Variants in ADORA1 observed in about 807,000 individuals in gnomAD.
ADORA1 encodes adenosine receptor A1.
ADORA1 carries 6 observed loss-of-function variants against 19.9 expected under a neutral mutation model. That is an observed-to-expected ratio of 0.30 (90% CI 0.17 to 0.59). The LOEUF (loss-of-function observed/expected upper bound fraction) is 0.59, where lower values mean the gene tolerates loss of function less well. ADORA1 is among the 20% of genes least tolerant of loss of function. The pLI, the probability that ADORA1 is intolerant of heterozygous loss-of-function variation, is 0.87. For synonymous variants in ADORA1, 194 were observed against 188.4 expected (o/e 1.03, Z -0.24); for missense variants, 302 against 439.2 (o/e 0.69, Z 2.79).
At chr1:203,130,948 A>G (rs1235968137) in intron 3 of ADORA1, among the ~76,000 whole-genome samples, 1 of 152,214 alleles carries the variant, frequency 6.6e-6, no homozygotes, top group Non-Finnish European at 1.5e-5. Flanking sequence ...CCTGAGTTCA[A>G]ATCCTTGCTG....
intron 3 of ADORA1, among the ~76,000 whole-genome samples, chr1:203,155,016 T>TTTCTTATTA (rs372591619): frequency 7.0e-6 from 1 of 142,360 alleles, no homozygotes; most frequent in African/African-American, 2.6e-5. Flanking sequence ...GCTCTTCCTA[T>TTTCTTATTA]TTATTATTAT....
chr1:203,143,031 AC>A (rs1438256945), intron 3 of ADORA1, among the ~76,000 whole-genome samples: 1 of 152,202 alleles, frequency 6.6e-6, no homozygotes, highest in Non-Finnish European at 1.5e-5. Context: ...GATGCAAACA[AC>A]ATTCAGAGTG....
At chr1:203,146,992 A>G (rs1306823866) in intron 3 of ADORA1, among the ~76,000 whole-genome samples, 1 of 152,222 alleles carries the variant, frequency 6.6e-6, no homozygotes, top group Non-Finnish European at 1.5e-5. Flanking sequence ...CTCTGCCACC[A>G]TTCCATAGGT....
chr1:203,149,455 G>T (rs1022493480), intron 3 of ADORA1, among the ~76,000 whole-genome samples: 2 of 152,158 alleles, frequency 1.3e-5, no homozygotes, highest in Non-Finnish European at 2.9e-5. Flanking sequence ...TGTTTTACCC[G>T]TGCAAATGAC....
At chr1:203,154,529 G>A (rs911197212) in intron 3 of ADORA1, among the ~76,000 whole-genome samples, 4 of 152,166 alleles carry the variant, frequency 2.6e-5, no homozygotes, top group African/African-American at 9.7e-5. Context: ...GGTGATCCCG[G>A]AGCCCAGGGG....
intron 3 of ADORA1, chr1:203,129,844 T>A (rs958999847): frequency 1.3e-5 from 2 of 152,462 alleles, no homozygotes; most frequent in Non-Finnish European, 2.9e-5. Context: ...CATATTGCTG[T>A]TCTGTTGCAA....
rs1654206786 is a variant in ADORA1 at position 203,128,088 on chromosome 1, G to A, written c.-213+160G>A. 9.7e-6 allele frequency: 3 copies of A among 309,130 alleles called. No individual in the cohort carries two copies. Among genetic ancestry groups the A allele is most frequent in the South Asian group, 2.5e-5 (1 of 39,870 alleles). 19.1% of individuals were successfully genotyped at this position (309,130 alleles called of 1,614,324 possible). On this transcript the variant is annotated intron_variant, in intron 1 of 3. Coordinates refer to ENST00000337894, the MANE Select transcript of ADORA1 (RefSeq NM_000674.3). This position sits in a 1 kb window ranked among gnomAD's most constrained non-coding sequence, Gnocchi z 5.9. ...GACTGCTAAGATCCAGGCACCAGAC[G>A]GGTCTCAAGTGGGTGGGCGCAGGGC...
chr1:203,157,681 G>A lies in ADORA1; in HGVS notation c.342-7580G>A, dbSNP rs553076075. On this transcript the variant is annotated intron_variant, in intron 3 of 3. Transcript: ENST00000337894. ...TTGAAATCTAATTGGAGGCTGGCATGACCCCATGGCTTCCACACTCTGTGC... is the reference window on the plus strand; with the variant it reads ...TTGAAATCTAATTGGAGGCTGGCATAACCCCATGGCTTCCACACTCTGTGC... Among the ~76,000 whole-genome samples, 32 of 152,336 alleles carry A rather than the reference G, an allele frequency of 2.1e-4. 1 individual carries two copies. The highest frequency in any genetic ancestry group is 7.2e-4 in the African/African-American group (30 of 41,582).
In ADORA1 at chr1:203,165,939, G is replaced by A; in HGVS notation, c.*39G>A. 1 of 1,519,478 alleles carries A rather than the reference G, an allele frequency of 6.6e-7. No individual in the cohort carries two copies. Among genetic ancestry groups the A allele is most frequent in the East Asian group, 2.3e-5 (1 of 43,966 alleles). 94.1% of individuals were successfully genotyped at this position (1,519,478 alleles called of 1,614,324 possible). ...CTCCCACCAGCCCACATCCAGTGGG[G>A]TCTCAGTCCAGTCCTCACATGCCCG... is the stretch of plus-strand genomic sequence containing the variant. On this transcript the variant is annotated 3_prime_UTR_variant, in exon 4 of 4. Coordinates refer to ENST00000337894, the MANE Select transcript of ADORA1 (RefSeq NM_000674.3). The surrounding 1 kb of genome is among the most constrained non-coding windows in gnomAD (Gnocchi z 5.9).
intron 3 of ADORA1, among the ~76,000 whole-genome samples, chr1:203,132,669 C>T (rs575829143): frequency 6.6e-6 from 1 of 152,222 alleles, no homozygotes; most frequent in Admixed American, 6.5e-5. Context: ...ATGGTGAAAC[C>T]CCATCACTAC....
At chr1:203,136,783 C>G (rs1654524865) in intron 3 of ADORA1, among the ~76,000 whole-genome samples, 1 of 152,194 alleles carries the variant, frequency 6.6e-6, no homozygotes, top group South Asian at 2.1e-4. Context: ...CCTCTTGCTT[C>G]CCCTTTGAGA....
At chr1:203,151,180 C>T (rs1655020606) in intron 3 of ADORA1, among the ~76,000 whole-genome samples, 1 of 152,170 alleles carries the variant, frequency 6.6e-6, no homozygotes, top group South Asian at 2.1e-4. Flanking sequence ...GGAGGAAAGG[C>T]GTGGGCTCAC....
Position 203,165,566 on chromosome 1 carries a change from C to T in ADORA1, c.647C>T (p.Ser216Leu), listed in dbSNP as rs539069853. Residue 216 changes from serine (S) to leucine (L), a missense_variant, in exon 4 of 4, where the codon TCG becomes TTG. Transcript: ENST00000337894. The surrounding 1 kb of genome is among the most constrained non-coding windows in gnomAD (Gnocchi z 5.9). ...LIRKQLNKKV[S>L]ASSGDPQKYY... ...CGCAAGCAGCTCAACAAGAAGGTGTCGGCCTCCTCCGGCGACCCGCAGAAG... is the reference window on the plus strand; with the variant it reads ...CGCAAGCAGCTCAACAAGAAGGTGTTGGCCTCCTCCGGCGACCCGCAGAAG... 8.7e-6 allele frequency: 14 copies of T among 1,613,940 alleles called. No homozygotes were observed. The highest frequency in any genetic ancestry group is 2.7e-5 in the African/African-American group (2 of 75,040).
chr1:203,133,560 C>A (rs147081556), intron 3 of ADORA1, among the ~76,000 whole-genome samples: 4 of 152,240 alleles, frequency 2.6e-5, no homozygotes, highest in African/African-American at 9.6e-5. Context: ...GTGTATCTTG[C>A]GTCAGCCCAA....
At chr1:203,131,763 CCCAGGTCCCTT>C (rs1438547420) in intron 3 of ADORA1, among the ~76,000 whole-genome samples, 1 of 152,198 alleles carries the variant, frequency 6.6e-6, no homozygotes, top group Non-Finnish European at 1.5e-5. Flanking sequence ...CGTGGCACTG[CCCAGGTCCCTT>C]CCAGGAGGAA....
intron 3 of ADORA1, among the ~76,000 whole-genome samples, chr1:203,133,560 C>T (rs147081556): frequency 3.3e-4 from 50 of 152,358 alleles, no homozygotes; most frequent in Non-Finnish European, 4.0e-4. Context: ...GTGTATCTTG[C>T]GTCAGCCCAA....
intron 3 of ADORA1, chr1:203,150,631 G>A (rs1220917830): frequency 7.8e-7 from 1 of 1,289,666 alleles, no homozygotes; most frequent in Non-Finnish European, 1.0e-6. Flanking sequence ...ACTTCTTCCA[G>A]GTCCCAAAAG....
intron 3 of ADORA1, among the ~76,000 whole-genome samples, chr1:203,153,270 T>G: frequency 6.6e-6 from 1 of 152,208 alleles, no homozygotes; most frequent in Non-Finnish European, 1.5e-5. Context: ...GCCTCTCCTG[T>G]GGACTGAGAG....
At chr1:203,132,384 A>C (rs1654371227) in intron 3 of ADORA1, among the ~76,000 whole-genome samples, 1 of 152,144 alleles carries the variant, frequency 6.6e-6, no homozygotes. Context: ...GACCCTAGCA[A>C]GGGGGCTGTC....
Sources: allele counts gnomAD v4.1 joint callset (sites outside exome capture counted in the v4.1 genomes callset), GRCh38; gene constraint gnomAD v4.1.1; non-coding constraint Gnocchi (gnomAD v3.1); transcripts MANE v1.5; gene names NCBI Gene and HGNC (gene_info 2026-07-23, HGNC 2026-07-21).